Variants in WIPI2 observed in about 807,000 individuals in gnomAD.
WIPI2 encodes WD repeat domain phosphoinositide-interacting protein 2.
In WIPI2, 28 loss-of-function variants were observed where a neutral mutation model predicts 52.3. The ratio of observed to expected loss-of-function variants is 0.54; its 90% CI spans 0.40 to 0.73. WIPI2 has a LOEUF of 0.73. Ranked by LOEUF, WIPI2 falls within the 30% of genes least tolerant of loss-of-function variation. The pLI is 0.00. For synonymous variants in WIPI2, 268 were observed against 245.0 expected (o/e 1.09, Z -0.88); for missense variants, 506 against 602.9 (o/e 0.84, Z 1.68).
chr7:5,220,805 C>CT (rs1203840751), intron 7 of WIPI2, among the ~76,000 whole-genome samples: 1 of 151,088 alleles, frequency 6.6e-6, no homozygotes, highest in Non-Finnish European at 1.5e-5. Context: ...TTCTTTCTTT[C>CT]TTTTTTTTGA....
Position 5,228,193 on chromosome 7 carries a change from C to T in WIPI2, c.1103C>T (p.Ala368Val), listed in dbSNP as rs774637606. ...NLDPQEGGEC[A>V]LMKQHRLDGS... is the part of the protein sequence containing the mutation. ...GACCCCCAGGAGGGCGGCGAGTGTG[C>T]CCTGATGAAGCAGCACCGGTGAGTC... is the stretch of plus-strand genomic sequence containing the variant. Residue 368 changes from alanine (A) to valine (V), a missense_variant, in exon 11 of 13, where the codon GCC becomes GTC. Around this residue, in one of 4 missense-constraint regions of WIPI2, gnomAD observed 194 missense variants for 175.1 expected, o/e 1.11. Transcript: ENST00000288828. 3.7e-6 allele frequency: 6 copies of T among 1,613,246 alleles called. No homozygotes were observed. Among genetic ancestry groups the T allele is most frequent in the Non-Finnish European group, 5.1e-6 (6 of 1,179,866 alleles).
intron 7 of WIPI2, among the ~76,000 whole-genome samples, chr7:5,221,776 AT>A (rs1244760176): frequency 6.6e-6 from 1 of 151,982 alleles, no homozygotes; most frequent in Non-Finnish European, 1.5e-5. Context: ...CTTCATGTGC[AT>A]CTTACCATTT....
chr7:5,193,870 C>T (rs1583534767), intron 2 of WIPI2, among the ~76,000 whole-genome samples: 1 of 152,192 alleles, frequency 6.6e-6, no homozygotes, highest in Non-Finnish European at 1.5e-5. Flanking sequence ...AGCCGTTGTG[C>T]CCGGCCTGAA....
chr7:5,196,266 T>G (rs1781740221), intron 2 of WIPI2, among the ~76,000 whole-genome samples: 1 of 151,618 alleles, frequency 6.6e-6, no homozygotes, highest in Non-Finnish European at 1.5e-5. Context: ...GGAGAATCGC[T>G]TGAACCCAGG....
At chr7:5,217,655 C>T (rs543976869) in intron 6 of WIPI2, 6 of 470,300 alleles carry the variant, frequency 1.3e-5, no homozygotes, top group East Asian at 4.1e-5. Context: ...GGATCTGCTG[C>T]GGCGTTCAGA....
rs1381986628 is a variant in WIPI2, at chr7:5,230,483, TC to T, written c.1253-350del. Among the ~76,000 whole-genome samples, 1 of 152,200 alleles carries T rather than the reference TC, an allele frequency of 6.6e-6. No homozygotes were observed. The highest frequency in any genetic ancestry group is 6.5e-5 in the Admixed American group (1 of 15,280). The stretch of plus-strand genomic sequence containing the variant: ...CCACTCCCATCTGTGAACCGGCACT[TC>T]CAGTTCATGAGCCCACCCTGAGAGT... On this transcript the variant is annotated intron_variant, in intron 12 of 12. Coordinates refer to ENST00000288828, the MANE Select transcript of WIPI2 (RefSeq NM_015610.4). The surrounding 1 kb of genome is among the most constrained non-coding windows in gnomAD (Gnocchi z 4.8).
Position 5,229,645 on chromosome 7 carries a change from G to T in WIPI2, c.1159G>T (p.Asp387Tyr), listed in dbSNP as rs139845658. 1.2e-5 allele frequency: 19 copies of T among 1,613,806 alleles called. No individual in the cohort carries two copies. The highest frequency in any genetic ancestry group is 1.5e-5 in the Non-Finnish European group (18 of 1,179,948). Residue 387 changes from aspartate to tyrosine, a missense_variant, in exon 12 of 13, where the codon GAC (aspartate) becomes TAC (tyrosine). This residue lies in a region of WIPI2 where 194 missense variants were observed against 175.1 expected (regional missense o/e 1.11). Coordinates refer to ENST00000288828, the MANE Select transcript of WIPI2 (RefSeq NM_015610.4). ...TCTGGAAACGACCAATGAGATCTTG[G>T]ACTCTGCCTCTCACGACTGCCCCTT... The part of the protein sequence containing the change: ...GSLETTNEIL[D>Y]SASHDCPLVT...
At position 5,232,405 on chromosome 7, in the gene WIPI2, G is replaced by A. The variant is rs757121817; in HGVS notation, c.*1458G>A. On this transcript the variant is annotated 3_prime_UTR_variant, in exon 13 of 13. Coordinates refer to ENST00000288828, the MANE Select transcript of WIPI2 (RefSeq NM_015610.4). ...CTAAATGCAGGGGACGCTGGAGTCCGACTCACCTACACCGGCTTCCTCCCA... is the reference window on the plus strand; with the variant it reads ...CTAAATGCAGGGGACGCTGGAGTCCAACTCACCTACACCGGCTTCCTCCCA... The A allele has an allele frequency of 1.0e-5, 4 of 398,014 alleles. No homozygotes were observed. The highest frequency in any genetic ancestry group is 2.1e-5 in the African/African-American group (1 of 48,642). The allele number at this position is 398,014 out of a possible 1,614,324, so 24.7% of individuals were successfully genotyped here. A position where few individuals can be genotyped will look rare whatever the true frequency, so the allele number is the denominator to read the frequency against.
rs1783730546 is a variant in WIPI2 at position 5,231,709 on chromosome 7, C to G, written c.*762C>G. 2.0e-5 allele frequency: 3 copies of G among 153,354 alleles called. No homozygotes were observed. The highest frequency in any genetic ancestry group is 7.3e-5 in the African/African-American group (3 of 41,344). 9.5% of individuals were successfully genotyped at this position (153,354 alleles called of 1,614,324 possible). Reference sequence around the variant, plus strand: ...GATTTTGTTTGTATAATTAAATGATCTGTTCTTCTACTTCACTCTTCCTGT... The same window carrying G: ...GATTTTGTTTGTATAATTAAATGATGTGTTCTTCTACTTCACTCTTCCTGT... On this transcript the variant is annotated 3_prime_UTR_variant, in exon 13 of 13. Transcript: ENST00000288828.
intron 2 of WIPI2, among the ~76,000 whole-genome samples, chr7:5,193,581 G>T (rs1472710948): frequency 6.6e-6 from 1 of 152,146 alleles, no homozygotes; most frequent in African/African-American, 2.4e-5. Flanking sequence ...TTGGGTTTTT[G>T]TTTTTGAGAT....
In WIPI2 at chr7:5,228,163, A is replaced by G. The variant is rs1783533756; in HGVS notation, c.1073A>G (p.Asn358Ser). The change falls in exon 11 of 13, where the codon AAC (asparagine) becomes AGC (serine). Residue 358 changes from asparagine (N) to serine (S), a missense_variant. Asn to Ser is a conservative substitution (Grantham distance 46, BLOSUM62 1). Around this residue, in one of 4 missense-constraint regions of WIPI2, gnomAD observed 194 missense variants for 175.1 expected, o/e 1.11. Coordinates refer to ENST00000288828, the MANE Select transcript of WIPI2 (RefSeq NM_015610.4). ...GAADGYLYMY[N>S]LDPQEGGECA... is the part of the protein sequence containing the mutation. ...GCCGACGGGTACCTGTACATGTACA[A>G]CCTGGACCCCCAGGAGGGCGGCGAG... 9 of 1,613,840 alleles carry G rather than the reference A, an allele frequency of 5.6e-6. No homozygotes were observed. Among genetic ancestry groups the G allele is most frequent in the Non-Finnish European group, 7.6e-6 (9 of 1,179,968 alleles).
intron 2 of WIPI2, among the ~76,000 whole-genome samples, chr7:5,199,111 C>T (rs1205782256): frequency 6.6e-6 from 1 of 152,224 alleles, no homozygotes; most frequent in Non-Finnish European, 1.5e-5. Context: ...GCAGCCTCAA[C>T]CTCCTGTCCT....
chr7:5,195,441 G>A (rs528960359), intron 2 of WIPI2, among the ~76,000 whole-genome samples: 6 of 152,286 alleles, frequency 3.9e-5, no homozygotes, highest in African/African-American at 7.2e-5. Context: ...AGGCGAGATC[G>A]CACCACTGTG....
chr7:5,208,803 A>T (rs1291000403), intron 3 of WIPI2, among the ~76,000 whole-genome samples: 2 of 152,094 alleles, frequency 1.3e-5, no homozygotes, highest in African/African-American at 4.8e-5. Context: ...TTTTCAGGAT[A>T]GCTTTGCATT....
chr7:5,202,952 T>G (rs1344912413), intron 3 of WIPI2, among the ~76,000 whole-genome samples: 2 of 152,240 alleles, frequency 1.3e-5, no homozygotes, highest in Non-Finnish European at 1.5e-5. Flanking sequence ...GTGTGTTTTC[T>G]TTGCATTTGC....
chr7:5,224,849 G>A (rs1256511703), intron 8 of WIPI2, among the ~76,000 whole-genome samples: 4 of 152,190 alleles, frequency 2.6e-5, no homozygotes, highest in Non-Finnish European at 5.9e-5. Flanking sequence ...AGTCAGCAAA[G>A]CTAGATCTCG....
intron 11 of WIPI2, among the ~76,000 whole-genome samples, 196 bp downstream of exon 11, chr7:5,228,407 C>T (rs919871806): frequency 6.6e-6 from 1 of 152,258 alleles, no homozygotes; most frequent in South Asian, 2.1e-4. Context: ...CAGGGAGCCC[C>T]GGGCTGCGGC....
chr7:5,226,036 T>C (rs1583591377), intron 9 of WIPI2, 106 bp downstream of exon 9: 2 of 1,153,404 alleles, frequency 1.7e-6, no homozygotes, highest in East Asian at 5.1e-5. Flanking sequence ...CTGACATCGT[T>C]AGCCAGTGAA....
In WIPI2 at chr7:5,230,557, A is replaced by G. The variant is rs1783682388; in HGVS notation, c.1253-278A>G. Among the ~76,000 whole-genome samples, 1 of 152,192 alleles carries G rather than the reference A, an allele frequency of 6.6e-6. No homozygotes were observed. The highest frequency in any genetic ancestry group is 2.4e-5 in the African/African-American group (1 of 41,454). ...TGGTGTTATTTTTGAGCTCTTAACC[A>G]GCTTGAGAGAGTTTGTGGCCCGTCC... On this transcript the variant is annotated intron_variant, in intron 12 of 12. Transcript: ENST00000288828. The surrounding 1 kb of genome is among the most constrained non-coding windows in gnomAD (Gnocchi z 4.8).
Sources: allele counts gnomAD v4.1 joint callset (sites outside exome capture counted in the v4.1 genomes callset), GRCh38; gene constraint gnomAD v4.1.1; regional missense constraint gnomAD v4.1.1; non-coding constraint Gnocchi (gnomAD v3.1); transcripts MANE v1.5; gene names NCBI Gene and HGNC (gene_info 2026-07-23, HGNC 2026-07-21).